TPST1: variants seen among roughly 807,000 people sequenced by gnomAD.
The protein encoded by TPST1 is protein-tyrosine sulfotransferase 1.
TPST1 carries 20 observed loss-of-function variants against 34.8 expected under a neutral mutation model. That is an observed-to-expected ratio of 0.57 (90% CI 0.40 to 0.84). The LOEUF is 0.84. TPST1 is among the 40% of genes least tolerant of loss of function. The pLI is 0.00. For missense variants in TPST1, 353 were observed against 455.5 expected, an observed-to-expected ratio of 0.78 and a Z score of 2.05; for synonymous variants, 152 against 159.4, an observed-to-expected ratio of 0.95 and a Z score of 0.35.
At chr7:66,283,352 A>G (rs1430559500) in intron 2 of TPST1, among the ~76,000 whole-genome samples, 1 of 152,208 alleles carries the variant, frequency 6.6e-6, no homozygotes, top group Non-Finnish European at 1.5e-5. Flanking sequence ...CTGAGACCAC[A>G]CACAGAAAGC....
chr7:66,354,084 G>A (rs890596112), intron 4 of TPST1, among the ~76,000 whole-genome samples: 56 of 152,180 alleles, frequency 3.7e-4, no homozygotes, highest in Admixed American at 1.0e-3. Context: ...CTACTATGGT[G>A]AGGAATTAGA....
chr7:66,328,742 G>A (rs1412753737), intron 3 of TPST1, among the ~76,000 whole-genome samples: 3 of 148,444 alleles, frequency 2.0e-5, no homozygotes, highest in East Asian at 2.0e-4. Flanking sequence ...ACCAGGTTTC[G>A]CCATGTTGAC....
Position 66,240,695 on chromosome 7 carries a change from C to T in TPST1, c.270C>T (p.Asp90=), listed in dbSNP as rs77211075. 781 of 1,614,108 alleles carry T rather than the reference C, an allele frequency of 4.8e-4. 4 individuals carry two copies. In the African/African-American group the frequency reaches 8.0e-3, roughly 17 times the overall value. Residue 90 remains aspartate, a synonymous_variant, in exon 2 of 6, where the codon GAC becomes GAT. Coordinates refer to ENST00000304842, the MANE Select transcript of TPST1 (RefSeq NM_003596.4). ...CCACACTCATGAGGGCCATGCTGGACGCACATCCTGACATTCGCTGTGGAG... is the reference window on the plus strand; with the variant it reads ...CCACACTCATGAGGGCCATGCTGGATGCACATCCTGACATTCGCTGTGGAG... ...SGTTLMRAML[D]AHPDIRCGEE...
At chr7:66,234,877 C>T (rs960837337) in intron 1 of TPST1, among the ~76,000 whole-genome samples, 22 of 151,998 alleles carry the variant, frequency 1.4e-4, no homozygotes, top group African/African-American at 3.9e-4. Flanking sequence ...GGGGTTTCAC[C>T]GTAGCAAGGA....
rs771709962 is a variant in TPST1, at chr7:66,240,847, T to C, written c.422T>C (p.Phe141Ser). Residue 141 changes from phenylalanine to serine, a missense_variant, in exon 2 of 6, where the codon TTC (phenylalanine) becomes TCC (serine). Coordinates refer to ENST00000304842, the MANE Select transcript of TPST1 (RefSeq NM_003596.4). ...GTGCTGGATTCTGCCATGCAAGCCT[T>C]CTTACTAGAAATTATCGTTAAGCAT... is the stretch of plus-strand genomic sequence containing the variant. ...DEVLDSAMQA[F>S]LLEIIVKHGE... 2 of 1,614,200 alleles carry C rather than the reference T, an allele frequency of 1.2e-6. No individual in the cohort carries two copies. The highest frequency in any genetic ancestry group is 2.2e-5 in the East Asian group (1 of 44,880).
intron 4 of TPST1, among the ~76,000 whole-genome samples, chr7:66,355,015 C>A (rs1338913046): frequency 6.6e-6 from 1 of 151,972 alleles, no homozygotes; most frequent in African/African-American, 2.4e-5. Flanking sequence ...ATAGAGGAAC[C>A]ATCTTTATGA....
chr7:66,199,179 A>G, the TPST1 span, among the ~76,000 whole-genome samples: 1 of 152,026 alleles, frequency 6.6e-6, no homozygotes, highest in Non-Finnish European at 1.5e-5. Flanking sequence ...CTTCTTTGAC[A>G]ATTGCAGTGT....
intron 3 of TPST1, among the ~76,000 whole-genome samples, chr7:66,313,308 G>T (rs531483992): frequency 6.6e-6 from 1 of 152,032 alleles, no homozygotes; most frequent in South Asian, 2.1e-4. Context: ...CCAGCTACTC[G>T]GGAGGCTGAG....
At chr7:66,269,390 A>G (rs1170549123) in intron 2 of TPST1, among the ~76,000 whole-genome samples, 1 of 152,258 alleles carries the variant, frequency 6.6e-6, no homozygotes, top group Non-Finnish European at 1.5e-5. Flanking sequence ...GCAAAAACTG[A>G]TCAGCTATTA....
At chr7:66,289,256 GC>G (rs1791086767) in intron 3 of TPST1, among the ~76,000 whole-genome samples, 1 of 56,730 alleles carries the variant, frequency 1.8e-5, no homozygotes, top group Non-Finnish European at 3.3e-5. Context: ...GATTCAGTTT[GC>G]CAGTATTTTA....
chr7:66,301,754 C>A (rs1322424036), intron 3 of TPST1, among the ~76,000 whole-genome samples: 1 of 152,128 alleles, frequency 6.6e-6, no homozygotes, highest in East Asian at 1.9e-4. Context: ...GGCTTAGGAT[C>A]GTGGCACCCC....
At chr7:66,217,877 C>T (rs1269752452) in intron 1 of TPST1, among the ~76,000 whole-genome samples, 3 of 146,860 alleles carry the variant, frequency 2.0e-5, no homozygotes, top group Admixed American at 1.4e-4. Flanking sequence ...AGCCACCGCG[C>T]CTGGCCTTTT....
At chr7:66,248,634 G>A (rs972531390) in intron 2 of TPST1, among the ~76,000 whole-genome samples, 6 of 150,926 alleles carry the variant, frequency 4.0e-5, no homozygotes, top group African/African-American at 1.5e-4. Context: ...TTCCTGAGTA[G>A]CTGGGATTGC....
chr7:66,353,799 A>ATC (rs1161069788), intron 4 of TPST1, among the ~76,000 whole-genome samples: 2 of 152,216 alleles, frequency 1.3e-5, no homozygotes. Context: ...CGTTCCAGAT[A>ATC]GAGGTTGGTG....
chr7:66,341,929 A>G (rs1018925118), intron 3 of TPST1, among the ~76,000 whole-genome samples: 1 of 152,196 alleles, frequency 6.6e-6, no homozygotes, highest in African/African-American at 2.4e-5. Flanking sequence ...AAAATCAGTG[A>G]TTGGATAAAG....
rs559959370 is a variant in TPST1, at chr7:66,315,908, C to T, written c.1044+29199C>T. 6.0e-4 allele frequency among the ~76,000 whole-genome samples: 91 copies of T among 152,136 alleles called. No homozygotes were observed. In the Middle Eastern group the frequency reaches 0.014, roughly 23 times the overall value. ...GGCAGATCACCTGAGGTCTGGAGTTCGAGACCAGCCTGACCAACATGGAGA... is the reference window on the plus strand; with the variant it reads ...GGCAGATCACCTGAGGTCTGGAGTTTGAGACCAGCCTGACCAACATGGAGA... On this transcript the variant is annotated intron_variant, in intron 3 of 5. Coordinates refer to ENST00000304842, the MANE Select transcript of TPST1 (RefSeq NM_003596.4).
intron 3 of TPST1, among the ~76,000 whole-genome samples, chr7:66,305,946 A>G (rs1791413852): frequency 6.6e-6 from 1 of 152,208 alleles, no homozygotes; most frequent in African/African-American, 2.4e-5. Context: ...TGATAGTGAT[A>G]ACTTTTCTAT....
chr7:66,255,140 C>T (rs1009501163), intron 2 of TPST1, among the ~76,000 whole-genome samples: 3 of 80,716 alleles, frequency 3.7e-5, no homozygotes, highest in East Asian at 2.9e-4. Flanking sequence ...AGCGAGACAA[C>T]GTCTCAAAAA....
intron 3 of TPST1, among the ~76,000 whole-genome samples, chr7:66,326,779 G>T (rs1036077197): frequency 1.3e-5 from 2 of 152,140 alleles, no homozygotes; most frequent in Non-Finnish European, 2.9e-5. Flanking sequence ...AAAAGAAATA[G>T]AATTCTTCCT....
Sources: gnomAD v4.1 joint callset for allele counts (sites outside exome capture counted in the v4.1 genomes callset) on GRCh38, gnomAD v4.1.1 for gene constraint, MANE v1.5 for transcripts, NCBI Gene and HGNC (gene_info 2026-07-23, HGNC 2026-07-21) for gene names.